MRC1: variants seen among roughly 807,000 people sequenced by gnomAD.
MRC1 encodes the protein mannose receptor C-type 1.
MRC1 carries 62 observed loss-of-function variants against 102.9 expected under a neutral mutation model. The ratio of observed to expected loss-of-function variants is 0.60; its 90% CI spans 0.49 to 0.74. The LOEUF (loss-of-function observed/expected upper bound fraction) is 0.74. MRC1 is among the 30% of genes least tolerant of loss of function. The probability of loss-of-function intolerance (pLI) is 0.00; values close to 1 mark genes in which losing one functional copy is unlikely to be tolerated. For synonymous variants in MRC1, 457 were observed against 298.4 expected (o/e 1.53, Z -5.48); for missense variants, 1,237 against 862.8 (o/e 1.43, Z -5.43).
At chr10:17,870,123 T>A (rs1833333752) in intron 12 of MRC1, 123 bp from the exon 13 acceptor site, 2 of 684,004 alleles carry the variant, frequency 2.9e-6, no homozygotes, top group Non-Finnish European at 5.3e-6. Flanking sequence ...AATTACATTG[T>A]TTTGAGTCAT....
chr10:17,901,838 T>G (rs1833833887), intron 25 of MRC1, 135 bp from the exon 26 acceptor site: 3 of 742,264 alleles, frequency 4.0e-6, no homozygotes, highest in Admixed American at 3.8e-5. Context: ...ATAAATATGG[T>G]GATCCAAATG....
chr10:17,836,996 C>T lies in MRC1; in HGVS notation c.802+3157C>T, dbSNP rs563301868. On this transcript the variant is annotated intron_variant, in intron 4 of 29. Transcript: ENST00000569591. Reference sequence around the variant, plus strand: ...AAGCCTGGGGACAGAGCACAGGTTACTTTGTGCGCTCTCCACCAGCTACAG... The same window carrying T: ...AAGCCTGGGGACAGAGCACAGGTTATTTTGTGCGCTCTCCACCAGCTACAG... 5.3e-5 allele frequency among the ~76,000 whole-genome samples: 8 copies of T among 152,238 alleles called. No homozygotes were observed. The South Asian group carries it at 1.7e-3, about 32-fold the overall frequency.
At chr10:17,816,866 A>G (rs1476857890) in intron 1 of MRC1, among the ~76,000 whole-genome samples, 2 of 152,214 alleles carry the variant, frequency 1.3e-5, no homozygotes, top group African/African-American at 4.8e-5. Flanking sequence ...TCCCTGAACA[A>G]TCACCTTTAA....
rs186067431 is a variant in MRC1, at chr10:17,839,200, G to A, written c.803-1493G>A. Reference sequence around the variant, plus strand: ...TAAGTACTTAGAGCTGGTAAAAGATGTCAAAAGGTAATTCTCTTAAAGAGC... The same window carrying A: ...TAAGTACTTAGAGCTGGTAAAAGATATCAAAAGGTAATTCTCTTAAAGAGC... On this transcript the variant is annotated intron_variant, in intron 4 of 29. Transcript: ENST00000569591. 1.7e-3 allele frequency among the ~76,000 whole-genome samples: 257 copies of A among 152,268 alleles called. 8 individuals are homozygous for A. The East Asian group carries it at 0.046, about 27-fold the overall frequency.
chr10:17,893,011 A>G (rs1833702269), intron 22 of MRC1, among the ~76,000 whole-genome samples: 1 of 28,706 alleles, frequency 3.5e-5, no homozygotes, highest in African/African-American at 1.7e-4. Context: ...TCCATCTAGG[A>G]AAAAAAAAAA....
At chr10:17,880,388 A>G (rs1039800027) in intron 19 of MRC1, 137 bp from the exon 20 acceptor site, 26 of 700,046 alleles carry the variant, frequency 3.7e-5, no homozygotes, top group Non-Finnish European at 6.5e-5. Flanking sequence ...GGATACCTCT[A>G]GTCACATATA....
intron 26 of MRC1, among the ~76,000 whole-genome samples, chr10:17,903,392 C>CTTTTTTTTTTTTTTTT: frequency 2.4e-3 from 215 of 88,850 alleles, no homozygotes; most frequent in East Asian, 3.5e-3. Flanking sequence ...CTTTTTTTTT[C>CTTTTTTTTTTTTTTTT]TTTTTTTTTT....
At chr10:17,818,307 GT>G (rs1184397992) in intron 1 of MRC1, among the ~76,000 whole-genome samples, 1 of 152,138 alleles carries the variant, frequency 6.6e-6, no homozygotes, top group African/African-American at 2.4e-5. Flanking sequence ...CTAATTATTT[GT>G]TGAGAGATTA....
chr10:17,817,305 C>T (rs1419813819), intron 1 of MRC1, among the ~76,000 whole-genome samples: 1 of 149,142 alleles, frequency 6.7e-6, no homozygotes, highest in Non-Finnish European at 1.5e-5. Flanking sequence ...GATGTTTAGT[C>T]TTTAATCATT....
intron 14 of MRC1, among the ~76,000 whole-genome samples, chr10:17,871,653 C>T (rs1833356722): frequency 6.6e-6 from 1 of 152,110 alleles, no homozygotes; most frequent in African/African-American, 2.4e-5. Flanking sequence ...TTAGGAACTC[C>T]CAACACTGAG....
chr10:17,909,762 G>A lies in MRC1; in HGVS notation c.4120+415G>A, dbSNP rs1227218929. Among the ~76,000 whole-genome samples, 4 of 148,436 alleles carry A rather than the reference G, an allele frequency of 2.7e-5. No homozygotes were observed. The East Asian group carries it at 7.9e-4, about 29-fold the overall frequency. On this transcript the variant is annotated intron_variant, in intron 29 of 29. Coordinates refer to ENST00000569591, the MANE Select transcript of MRC1 (RefSeq NM_002438.4). The stretch of plus-strand genomic sequence containing the variant: ...AAAAAAAACTGAAAGTGAGATTTAT[G>A]GCTTGCCTGTAACCTCCTTATTAAC...
chr10:17,874,824 C>T (rs1337255512), intron 16 of MRC1, among the ~76,000 whole-genome samples: 2 of 152,028 alleles, frequency 1.3e-5, no homozygotes, highest in African/African-American at 4.8e-5. Flanking sequence ...AAAGTGACAC[C>T]CGGAGTTCTT....
At position 17,910,346 on chromosome 10, in the gene MRC1, C is replaced by G; in HGVS notation, c.4252C>G (p.Leu1418Val). The change falls in exon 30 of 30, where the codon CTA (leucine) becomes GTA (valine). Residue 1418 changes from leucine (L) to valine (V), a missense_variant. Transcript: ENST00000569591. ...CTTTTATAAGAAAAGACGTGTGCAC[C>G]TACCTCAAGAGGGCGCCTTTGAAAA... The part of the protein sequence containing the change: ...YFFYKKRRVH[L>V]PQEGAFENTL... 1 of 780,768 alleles carries G rather than the reference C, an allele frequency of 1.3e-6. No individual in the cohort carries two copies. Among genetic ancestry groups the G allele is most frequent in the Non-Finnish European group, 2.4e-6 (1 of 417,952 alleles). 48.4% of individuals were successfully genotyped at this position (780,768 alleles called of 1,614,324 possible).
At chr10:17,908,951 A>G (rs1475590747) in intron 28 of MRC1, among the ~76,000 whole-genome samples, 1 of 152,180 alleles carries the variant, frequency 6.6e-6, no homozygotes, top group Non-Finnish European at 1.5e-5. Context: ...CTAGCCTTGA[A>G]TGTTTTACTT....
At chr10:17,879,929 G>A in intron 19 of MRC1, 108 bp downstream of exon 19, 1 of 772,222 alleles carries the variant, frequency 1.3e-6, no homozygotes, top group Non-Finnish European at 2.4e-6. Flanking sequence ...AAGATAAGAA[G>A]AGAGAATAAA....
intron 13 of MRC1, among the ~76,000 whole-genome samples, chr10:17,870,591 A>G (rs970162446): frequency 6.6e-6 from 1 of 152,194 alleles, no homozygotes; most frequent in Non-Finnish European, 1.5e-5. Context: ...TAAAAGTTCA[A>G]GATGCTTAAT....
chr10:17,830,222 C>T (rs1285606111), intron 3 of MRC1, among the ~76,000 whole-genome samples: 3 of 151,194 alleles, frequency 2.0e-5, no homozygotes, highest in African/African-American at 7.4e-5. Context: ...ACCTCTGCCT[C>T]CCAGGCTCAA....
chr10:17,833,749 T>G lies in MRC1; in HGVS notation c.712T>G (p.Leu238Val). Residue 238 changes from leucine (L) to valine (V), a missense_variant, in exon 4 of 30, where the codon TTA becomes GTA. Coordinates refer to ENST00000569591, the MANE Select transcript of MRC1 (RefSeq NM_002438.4). ...CTACCAGATAAACTCCAAATCCGCT[T>G]TAACGTGGCACCAGGCGAGGAAAAG... is the stretch of plus-strand genomic sequence containing the variant. Reference protein sequence around the residue: ...VSYQINSKSALTWHQARKSCQ... With the variant: ...VSYQINSKSAVTWHQARKSCQ... 1.3e-6 allele frequency: 1 copy of G among 781,066 alleles called. No individual in the cohort carries two copies. The highest frequency in any genetic ancestry group is 2.4e-6 in the Non-Finnish European group (1 of 418,130). 48.4% of individuals were successfully genotyped at this position (781,066 alleles called of 1,614,324 possible).
intron 17 of MRC1, among the ~76,000 whole-genome samples, 185 bp from the exon 18 acceptor site, chr10:17,877,715 A>T (rs1833456217): frequency 6.6e-6 from 1 of 151,766 alleles, no homozygotes; most frequent in Non-Finnish European, 1.5e-5. Context: ...AGTTCAAATT[A>T]TTAAATTGTG....
Sources: gnomAD v4.1 joint callset for allele counts (sites outside exome capture counted in the v4.1 genomes callset) on GRCh38, gnomAD v4.1.1 for gene constraint, MANE v1.5 for transcripts, NCBI Gene and HGNC (gene_info 2026-07-23, HGNC 2026-07-21) for gene names.